TUFT1: variants seen among roughly 807,000 people sequenced by gnomAD.
TUFT1 encodes the protein tuftelin 1, also known as tuftelin.
TUFT1 carries 43 observed loss-of-function variants against 57.8 expected under a neutral mutation model. That is an observed-to-expected ratio of 0.74 (90% confidence interval 0.58 to 0.96). TUFT1 has a LOEUF of 0.96. Ranked by LOEUF, TUFT1 falls within the 40% of genes least tolerant of loss-of-function variation. The probability of loss-of-function intolerance (pLI) is 0.00; values close to 1 mark genes in which losing one functional copy is unlikely to be tolerated. For missense variants in TUFT1, 459 were observed against 489.0 expected, an observed-to-expected ratio of 0.94 and a Z score of 0.58; for synonymous variants, 166 against 176.7, an observed-to-expected ratio of 0.94 and a Z score of 0.48.
rs543073325 is a variant in TUFT1 at position 151,562,821 on chromosome 1, TG to T, written c.237+137del. On this transcript the variant is annotated intron_variant, in intron 3 of 12. Coordinates refer to ENST00000368849, the MANE Select transcript of TUFT1 (RefSeq NM_020127.3). The stretch of plus-strand genomic sequence containing the variant: ...GAACCAGACCTGAGCTGCTAGTTCC[TG>T]GCAATCTCCTAGAAATATCTTAATT... 5.8e-5 allele frequency: 40 copies of T among 692,318 alleles called. 1 individual carries two copies. The South Asian group carries it at 6.7e-4, about 12-fold the overall frequency. 42.9% of individuals were successfully genotyped at this position (692,318 alleles called of 1,614,324 possible).
Position 151,563,997 on chromosome 1 carries a change from A to C in TUFT1, c.324+7A>C. 6.2e-7 allele frequency: 1 copy of C among 1,611,096 alleles called. No individual in the cohort carries two copies. Among genetic ancestry groups the C allele is most frequent in the East Asian group, 2.2e-5 (1 of 44,852 alleles). ...GGTCCAGTACATCCAGGAGGTGGGCACCCCTTACCTCTCACGCAGTGCCTA... is the reference window on the plus strand; with the variant it reads ...GGTCCAGTACATCCAGGAGGTGGGCCCCCCTTACCTCTCACGCAGTGCCTA... On this transcript the variant is annotated splice_region_variant and intron_variant, in intron 4 of 12. Coordinates refer to ENST00000368849, the MANE Select transcript of TUFT1 (RefSeq NM_020127.3).
At chr1:151,543,803 C>G (rs1474589375) in intron 1 of TUFT1, among the ~76,000 whole-genome samples, 1 of 152,026 alleles carries the variant, frequency 6.6e-6, no homozygotes, top group East Asian at 1.9e-4. Context: ...TGATAGGCCC[C>G]CCCCAGATTA....
chr1:151,552,095 A>T (rs943418868), intron 1 of TUFT1, among the ~76,000 whole-genome samples: 2 of 152,194 alleles, frequency 1.3e-5, no homozygotes, highest in South Asian at 4.1e-4. Flanking sequence ...TGCTTTTTAT[A>T]TAAGTGGAAT....
At chr1:151,569,604 T>C (rs1490857315) in intron 6 of TUFT1, 53 bp from the exon 7 acceptor site, 1 of 1,495,254 alleles carries the variant, frequency 6.7e-7, no homozygotes, top group African/African-American at 1.4e-5. Context: ...GACCTTTTCT[T>C]ACTGAGTCAG....
At chr1:151,543,911 CT>C (rs2102514396) in intron 1 of TUFT1, among the ~76,000 whole-genome samples, 1 of 152,144 alleles carries the variant, frequency 6.6e-6, no homozygotes, top group East Asian at 1.9e-4. Flanking sequence ...TGACATTAGA[CT>C]TTACCATGGA....
At chr1:151,574,800 C>A in intron 8 of TUFT1, 111 bp from the exon 9 acceptor site, 1 of 887,636 alleles carries the variant, frequency 1.1e-6, no homozygotes, top group South Asian at 1.6e-5. Flanking sequence ...TGCTCTTTGG[C>A]AGCTGTCCAG....
intron 2 of TUFT1, 75 bp downstream of exon 2, chr1:151,562,240 A>G: frequency 7.3e-7 from 1 of 1,361,724 alleles, no homozygotes; most frequent in Non-Finnish European, 1.0e-6. Flanking sequence ...TTACCCAAGT[A>G]CTGCCTGGAG....
chr1:151,566,787 G>C (rs1259916283), intron 6 of TUFT1, among the ~76,000 whole-genome samples: 1 of 151,782 alleles, frequency 6.6e-6, no homozygotes, highest in Non-Finnish European at 1.5e-5. Context: ...ATTATTCTTT[G>C]CTTGCTTTTT....
chr1:151,545,026 C>G (rs1261139437), intron 1 of TUFT1, among the ~76,000 whole-genome samples: 2 of 152,080 alleles, frequency 1.3e-5, no homozygotes, highest in Non-Finnish European at 2.9e-5. Flanking sequence ...GAGCATGGCT[C>G]TGGGCTGAGT....
At chr1:151,541,347 A>G (rs1665160123) in intron 1 of TUFT1, among the ~76,000 whole-genome samples, 1 of 152,148 alleles carries the variant, frequency 6.6e-6, no homozygotes, top group South Asian at 2.1e-4. Context: ...AGCTGACCAT[A>G]TGGTTTTTCC....
chr1:151,575,077 C>A, intron 9 of TUFT1, 72 bp downstream of exon 9: 4 of 1,351,490 alleles, frequency 3.0e-6, no homozygotes, highest in Non-Finnish European at 4.1e-6. Context: ...CAGCCTGTTG[C>A]TCCTGTGGTG....
intron 9 of TUFT1, 87 bp downstream of exon 9, chr1:151,575,092 G>A: frequency 1.7e-6 from 2 of 1,183,858 alleles, no homozygotes; most frequent in Non-Finnish European, 2.4e-6. Flanking sequence ...GTGGTGGCCT[G>A]GTCTGGGGAG....
intron 7 of TUFT1, among the ~76,000 whole-genome samples, chr1:151,570,036 C>T (rs1311760150): frequency 6.6e-6 from 1 of 152,176 alleles, no homozygotes; most frequent in Non-Finnish European, 1.5e-5. Flanking sequence ...CTGGGGCAGC[C>T]GGTGATTCAG....
intron 5 of TUFT1, 169 bp downstream of exon 5, chr1:151,564,783 C>CT (rs1003525394): frequency 1.7e-6 from 1 of 576,138 alleles, no homozygotes; most frequent in African/African-American, 1.9e-5. Flanking sequence ...GGTTAGGACT[C>CT]TCCAGCCGAT....
At chr1:151,565,834 T>C in intron 5 of TUFT1, 1 of 200,162 alleles carries the variant, frequency 5.0e-6, no homozygotes, top group Non-Finnish European at 1.0e-5. Context: ...CTGAAAGATT[T>C]TAGCCTGAGG....
chr1:151,558,114 C>G (rs1330502739), intron 1 of TUFT1, among the ~76,000 whole-genome samples: 1 of 151,526 alleles, frequency 6.6e-6, no homozygotes, highest in Non-Finnish European at 1.5e-5. Flanking sequence ...AATTTCCTTT[C>G]TGTTTAGAGA....
intron 1 of TUFT1, among the ~76,000 whole-genome samples, chr1:151,556,163 A>G (rs576082670): frequency 9.9e-5 from 15 of 152,222 alleles, no homozygotes; most frequent in Non-Finnish European, 1.9e-4. Flanking sequence ...GTGTTGTTGC[A>G]TGTATCAATA....
intron 6 of TUFT1, among the ~76,000 whole-genome samples, chr1:151,569,347 G>A (rs912044141): frequency 1.3e-5 from 2 of 152,182 alleles, no homozygotes; most frequent in African/African-American, 4.8e-5. Context: ...CACACCTACA[G>A]ACAGCATCCA....
chr1:151,571,967 G>A (rs1666263363), intron 7 of TUFT1, among the ~76,000 whole-genome samples: 1 of 151,906 alleles, frequency 6.6e-6, no homozygotes, highest in Non-Finnish European at 1.5e-5. Flanking sequence ...GAGGCCTCAG[G>A]AGGCCAAGGC....
Sources: gnomAD v4.1 joint callset for allele counts (sites outside exome capture counted in the v4.1 genomes callset) on GRCh38, gnomAD v4.1.1 for gene constraint, MANE v1.5 for transcripts, NCBI Gene and HGNC (gene_info 2026-07-23, HGNC 2026-07-21) for gene names.